CBLB: variants seen among roughly 807,000 people sequenced by gnomAD.
CBLB encodes the protein Cbl proto-oncogene B.
CBLB carries 31 observed loss-of-function variants against 104.9 expected under a neutral mutation model. The observed-to-expected ratio is 0.30, with a 90% CI of 0.22 to 0.40. The LOEUF (loss-of-function observed/expected upper bound fraction) is 0.40. Among genes scored for constraint, CBLB ranks in the 10% least tolerant of loss-of-function variants. The probability of loss-of-function intolerance (pLI) is 1.00; values close to 1 mark genes in which losing one functional copy is unlikely to be tolerated. For missense variants in CBLB, 1,062 were observed against 1,214.6 expected (o/e 0.87, Z 1.87); for synonymous variants, 440 against 422.6 (o/e 1.04, Z -0.51).
chr3:105,702,474 G>GACAAA lies in CBLB; in HGVS notation c.1594-16_1594-15insTTTGT. 2.4e-5 allele frequency: 4 copies of GACAAA among 165,458 alleles called. No homozygotes were observed. Among genetic ancestry groups the GACAAA allele is most frequent in the Non-Finnish European group, 3.8e-5 (4 of 105,682 alleles). 10.2% of individuals were successfully genotyped at this position (165,458 alleles called of 1,614,324 possible). A position where few individuals can be genotyped will look rare whatever the true frequency, so the allele number is the denominator to read the frequency against. On this transcript the variant is annotated splice_polypyrimidine_tract_variant and intron_variant, in intron 11 of 18. Coordinates refer to ENST00000394030, the MANE Select transcript of CBLB (RefSeq NM_170662.5). ...CAAGGAGAAGACTAAAGAAACAGAA[G>GACAAA]AGAAAAAAAAAAAAAAAAAAAAAAA... is the stretch of plus-strand genomic sequence containing the variant.
At chr3:105,748,328 A>C (rs1433927034) in intron 5 of CBLB, among the ~76,000 whole-genome samples, 1 of 151,922 alleles carries the variant, frequency 6.6e-6, no homozygotes, top group Non-Finnish European at 1.5e-5. Context: ...CTGCCTAGAC[A>C]CTCTCTATAA....
At chr3:105,805,229 T>C (rs1364409795) in intron 3 of CBLB, among the ~76,000 whole-genome samples, 1 of 152,154 alleles carries the variant, frequency 6.6e-6, no homozygotes, top group Non-Finnish European at 1.5e-5. Context: ...ATGACATTCA[T>C]TCTCTCCAGG....
intron 18 of CBLB, among the ~76,000 whole-genome samples, chr3:105,665,878 A>T (rs1207253420): frequency 6.6e-6 from 1 of 151,680 alleles, no homozygotes; most frequent in Non-Finnish European, 1.5e-5. Context: ...AAAATGTAAA[A>T]ATTAGCTGGG....
At position 105,685,428 on chromosome 3, in the gene CBLB, G is replaced by A. The variant is rs1324689207; in HGVS notation, c.2093C>T (p.Thr698Ile). ...ATCATCTTCCTCTACTGGGTCTCTT[G>A]TTTTCTCTGAAAGAGAATTTGCTAA... ...GPLANSLSEK[T>I]RDPVEEDDDE... Residue 698 changes from threonine to isoleucine, a missense_variant, in exon 14 of 19, where the codon ACA (threonine) becomes ATA (isoleucine). This residue lies in a region of CBLB where 605 missense variants were observed against 582.6 expected (regional missense o/e 1.04). Coordinates refer to ENST00000394030, the MANE Select transcript of CBLB (RefSeq NM_170662.5). 1 of 1,612,922 alleles carries A rather than the reference G, an allele frequency of 6.2e-7. No individual in the cohort carries two copies. The highest frequency in any genetic ancestry group is 1.3e-5 in the African/African-American group (1 of 74,866).
intron 2 of CBLB, among the ~76,000 whole-genome samples, chr3:105,866,995 T>G (rs776132421): frequency 1.3e-5 from 2 of 152,216 alleles, no homozygotes; most frequent in Non-Finnish European, 2.9e-5. Flanking sequence ...CTTTCCCCAG[T>G]AAATATTTTC....
intron 12 of CBLB, among the ~76,000 whole-genome samples, chr3:105,695,220 G>A (rs1052980475): frequency 7.9e-5 from 12 of 151,778 alleles, no homozygotes; most frequent in African/African-American, 2.4e-4. Flanking sequence ...ATAGATAGAT[G>A]CTTAATAAAA....
chr3:105,861,191 G>C (rs1488251070), intron 2 of CBLB, among the ~76,000 whole-genome samples: 1 of 151,962 alleles, frequency 6.6e-6, no homozygotes, highest in Non-Finnish European at 1.5e-5. Flanking sequence ...CCCAAGCAGA[G>C]TAGATAAAAA....
intron 8 of CBLB, among the ~76,000 whole-genome samples, chr3:105,736,966 G>A (rs954572439): frequency 6.6e-6 from 1 of 151,834 alleles, no homozygotes; most frequent in Non-Finnish European, 1.5e-5. Context: ...AATACTATAT[G>A]GAAAGCAAGA....
intron 2 of CBLB, among the ~76,000 whole-genome samples, chr3:105,854,318 G>T (rs2091323735): frequency 6.6e-6 from 1 of 152,200 alleles, no homozygotes; most frequent in African/African-American, 2.4e-5. Context: ...CTGCAGAACT[G>T]AAAGTACCTT....
chr3:105,863,137 CTGAT>C (rs1421317186), intron 2 of CBLB, among the ~76,000 whole-genome samples: 5 of 152,176 alleles, frequency 3.3e-5, no homozygotes, highest in Admixed American at 2.0e-4. Flanking sequence ...AGACTACTAA[CTGAT>C]TAAGGCCTGC....
chr3:105,854,082 T>C (rs954188485), intron 2 of CBLB, among the ~76,000 whole-genome samples: 37 of 152,198 alleles, frequency 2.4e-4, no homozygotes, highest in African/African-American at 8.7e-4. Flanking sequence ...TGCTGTCTCA[T>C]AGTTTGTTAA....
intron 3 of CBLB, among the ~76,000 whole-genome samples, chr3:105,795,053 A>G (rs1461858932): frequency 6.6e-6 from 1 of 151,982 alleles, no homozygotes; most frequent in African/African-American, 2.4e-5. Flanking sequence ...AGCTGGGACT[A>G]CAGACACGCA....
intron 9 of CBLB, among the ~76,000 whole-genome samples, 158 bp from the exon 10 acceptor site, chr3:105,720,408 A>G (rs2152827132): frequency 6.6e-6 from 1 of 152,234 alleles, no homozygotes; most frequent in Admixed American, 6.5e-5. Context: ...TGGGTATAGA[A>G]CAGGGAGCCA....
intron 13 of CBLB, among the ~76,000 whole-genome samples, chr3:105,686,363 C>CA (rs2066998610): frequency 2.6e-5 from 4 of 151,346 alleles, no homozygotes. Flanking sequence ...AACTAGTTTG[C>CA]AAGGCATTGG....
intron 13 of CBLB, among the ~76,000 whole-genome samples, chr3:105,685,778 A>C (rs1243236624): frequency 1.1e-4 from 17 of 152,228 alleles, no homozygotes; most frequent in Non-Finnish European, 1.5e-5. Flanking sequence ...AAATTTATTC[A>C]AACCAAATCT....
At chr3:105,754,523 C>CAGAGAGAGACAGAG (rs2076882951) in intron 4 of CBLB, among the ~76,000 whole-genome samples, 55 of 102,808 alleles carry the variant, frequency 5.3e-4, no homozygotes, top group African/African-American at 2.0e-3. Context: ...GAGAGAGAGA[C>CAGAGAGAGACAGAG]AGAGAGAGAG....
At chr3:105,813,625 G>A (rs2084608197) in intron 3 of CBLB, among the ~76,000 whole-genome samples, 2 of 151,988 alleles carry the variant, frequency 1.3e-5, no homozygotes, top group Non-Finnish European at 2.9e-5. Flanking sequence ...GGTTTGTAAG[G>A]TTATTCCTCC....
chr3:105,754,529 G>GAGAGAGAAAC (rs57053349), intron 4 of CBLB, among the ~76,000 whole-genome samples: 10 of 84,610 alleles, frequency 1.2e-4, no homozygotes, highest in Non-Finnish European at 1.9e-4. Flanking sequence ...GAGACAGAGA[G>GAGAGAGAAAC]AGAGAGAGAG....
intron 4 of CBLB, among the ~76,000 whole-genome samples, chr3:105,765,315 A>T (rs1037153661): frequency 1.3e-5 from 2 of 152,140 alleles, no homozygotes; most frequent in Non-Finnish European, 2.9e-5. Context: ...TACCCCCTAA[A>T]TAACCTCCAA....
Sources: gnomAD v4.1 joint callset for allele counts (sites outside exome capture counted in the v4.1 genomes callset) on GRCh38, gnomAD v4.1.1 for gene constraint, gnomAD v4.1.1 regional missense constraint, MANE v1.5 for transcripts, NCBI Gene and HGNC (gene_info 2026-07-23, HGNC 2026-07-21) for gene names.